The following SORCS1 variants were observed in gnomAD, a reference collection of about 807,000 sequenced individuals.
SORCS1 encodes the protein sortilin related VPS10 domain containing receptor 1.
A neutral mutation model predicts 146.1 loss-of-function variants in SORCS1; 60 were observed. The observed-to-expected ratio is 0.41, with a 90% CI of 0.33 to 0.51. The LOEUF (loss-of-function observed/expected upper bound fraction) is 0.51, where lower values mean the gene tolerates loss of function less well. Ranked by LOEUF, SORCS1 falls within the 20% of genes least tolerant of loss-of-function variation. The pLI is 0.21. For synonymous variants in SORCS1, 637 were observed against 584.0 expected (o/e 1.09, Z -1.31); for missense variants, 1,352 against 1,487.6 (o/e 0.91, Z 1.50).
At chr10:107,162,223 T>C (rs970946099) in intron 1 of SORCS1, among the ~76,000 whole-genome samples, 1 of 152,224 alleles carries the variant, frequency 6.6e-6, no homozygotes, top group African/African-American at 2.4e-5. Flanking sequence ...GTGAGTGATA[T>C]TTTACAGCTT....
intron 2 of SORCS1, among the ~76,000 whole-genome samples, chr10:106,931,957 G>A (rs1953443534): frequency 6.6e-6 from 1 of 152,048 alleles, no homozygotes; most frequent in Non-Finnish European, 1.5e-5. Context: ...TATCTCATGG[G>A]GAAAAACAAA....
chr10:106,883,655 C>G (rs759075555), intron 2 of SORCS1, among the ~76,000 whole-genome samples: 4 of 152,164 alleles, frequency 2.6e-5, no homozygotes, highest in Non-Finnish European at 5.9e-5. Context: ...CCTCGTGATC[C>G]ACCCGCCTCA....
At chr10:107,173,733 G>A in the SORCS1 span, among the ~76,000 whole-genome samples, 3 of 152,032 alleles carry the variant, frequency 2.0e-5, no homozygotes, top group African/African-American at 4.8e-5. Context: ...CATGAAGTAA[G>A]GTTCAAGGTT....
intron 2 of SORCS1, among the ~76,000 whole-genome samples, chr10:106,850,261 G>A (rs958540509): frequency 1.4e-4 from 22 of 152,070 alleles, no homozygotes; most frequent in African/African-American, 3.9e-4. Flanking sequence ...AGGACCCTCC[G>A]AGCCAGGTGT....
At chr10:107,121,168 G>A (rs998240379) in intron 1 of SORCS1, among the ~76,000 whole-genome samples, 9 of 152,066 alleles carry the variant, frequency 5.9e-5, no homozygotes, top group East Asian at 1.9e-4. Context: ...TATAAACTGC[G>A]GACAGTACCA....
intron 2 of SORCS1, among the ~76,000 whole-genome samples, chr10:106,906,173 G>A (rs1413475255): frequency 6.6e-6 from 1 of 152,224 alleles, no homozygotes; most frequent in East Asian, 1.9e-4. Flanking sequence ...GGAGGGCACT[G>A]GCATGCTCTC....
chr10:107,090,919 TACACAC>T (rs10569833), intron 1 of SORCS1, among the ~76,000 whole-genome samples: 6 of 149,498 alleles, frequency 4.0e-5, no homozygotes, highest in African/African-American at 7.4e-5. Flanking sequence ...TATTCTAAAG[TACACAC>T]ACACACACAC....
chr10:106,966,682 A>G (rs919623130), intron 1 of SORCS1, among the ~76,000 whole-genome samples: 3 of 152,150 alleles, frequency 2.0e-5, no homozygotes, highest in Admixed American at 6.5e-5. Context: ...AAGAGCAAAA[A>G]ACTTTTTGTA....
At chr10:106,601,421 G>A (rs923149351) in intron 23 of SORCS1, among the ~76,000 whole-genome samples, 4 of 152,122 alleles carry the variant, frequency 2.6e-5, no homozygotes, top group Admixed American at 2.6e-4. Flanking sequence ...TGCCTATTTG[G>A]TGGAATATGC....
At chr10:106,792,937 T>A (rs1214907888) in intron 3 of SORCS1, among the ~76,000 whole-genome samples, 1 of 152,232 alleles carries the variant, frequency 6.6e-6, no homozygotes, top group Non-Finnish European at 1.5e-5. Flanking sequence ...AAAATTTCAT[T>A]CTTTGTGGGA....
intron 1 of SORCS1, among the ~76,000 whole-genome samples, chr10:107,039,356 ACAAACTTCTGAAAGTATGC>A (rs919131150): frequency 6.7e-6 from 1 of 149,682 alleles, no homozygotes; most frequent in African/African-American, 2.4e-5. Context: ...AAAAAGGATG[ACAAACTTCTGAAAGTATGC>A]CAAACTAACT....
chr10:107,130,653 C>T (rs1049738259), intron 1 of SORCS1, among the ~76,000 whole-genome samples: 1 of 152,026 alleles, frequency 6.6e-6, no homozygotes, highest in East Asian at 1.9e-4. Flanking sequence ...TCTTTTGTTC[C>T]CACTTTGGCC....
At chr10:106,897,187 G>A (rs1352616486) in intron 2 of SORCS1, among the ~76,000 whole-genome samples, 1 of 148,596 alleles carries the variant, frequency 6.7e-6, no homozygotes, top group African/African-American at 2.5e-5. Context: ...GGCCTGTTTT[G>A]TTTGTTTTTT....
At position 106,641,638 on chromosome 10, in the gene SORCS1, C is replaced by T. The variant is rs1849076131; in HGVS notation, c.2475+10744G>A. Among the ~76,000 whole-genome samples the T allele has an allele frequency of 2.0e-5, 3 of 152,234 alleles. No homozygotes were observed. In the South Asian group the frequency reaches 6.2e-4, roughly 32 times the overall value. Reference sequence around the variant, plus strand: ...GGGGAAGGCTATCCAAATCCACATACATTTATTGAGTTTCTATCAATATGT... The same window carrying T: ...GGGGAAGGCTATCCAAATCCACATATATTTATTGAGTTTCTATCAATATGT... On this transcript the variant is annotated intron_variant, in intron 18 of 25. Transcript: ENST00000263054.
chr10:106,979,946 C>T (rs1369166453), intron 1 of SORCS1, among the ~76,000 whole-genome samples: 3 of 152,202 alleles, frequency 2.0e-5, no homozygotes, highest in Admixed American at 2.0e-4. Context: ...GAAGCCCAGC[C>T]ACATGGTAGT....
chr10:107,164,443 G>A lies in SORCS1; in HGVS notation c.84C>T (p.Ala28=). 7.1e-7 allele frequency: 1 copy of A among 1,406,590 alleles called. No individual in the cohort carries two copies. The highest frequency in any genetic ancestry group is 9.2e-7 in the Non-Finnish European group (1 of 1,086,914). 87.1% of individuals were successfully genotyped at this position (1,406,590 alleles called of 1,614,324 possible). The part of the protein sequence containing the change: ...LAGAGLLILC[A]PGVCGGGSCC... ...AGGAGCCGCCGCCGCAGACGCCCGG[G>A]GCGCAGAGGATCAAGAGCCCCGCGC... Residue 28 remains alanine (A), a synonymous_variant, in exon 1 of 26, where the codon GCC becomes GCT. Coordinates refer to ENST00000263054, the MANE Select transcript of SORCS1 (RefSeq NM_052918.5). This position sits in a 1 kb window ranked among gnomAD's most constrained non-coding sequence, Gnocchi z 6.8.
intron 2 of SORCS1, among the ~76,000 whole-genome samples, chr10:106,853,094 T>G (rs1949654389): frequency 6.6e-6 from 1 of 151,732 alleles, no homozygotes. Flanking sequence ...GTGAACTGAC[T>G]GTGCCTGGTG....
chr10:106,728,926 CTTTCTCCCTGTCT>C (rs981060755), intron 6 of SORCS1, among the ~76,000 whole-genome samples: 1 of 152,110 alleles, frequency 6.6e-6, no homozygotes, highest in Non-Finnish European at 1.5e-5. Context: ...AGACCTCTTC[CTTTCTCCCTGTCT>C]TTTCTCCCCT....
intron 5 of SORCS1, among the ~76,000 whole-genome samples, chr10:106,749,364 C>T (rs1467362599): frequency 6.6e-6 from 1 of 152,168 alleles, no homozygotes; most frequent in Non-Finnish European, 1.5e-5. Context: ...AGGCCCCAAA[C>T]CTGCTTGGCT....
Sources: allele counts gnomAD v4.1 joint callset (sites outside exome capture counted in the v4.1 genomes callset), GRCh38; gene constraint gnomAD v4.1.1; non-coding constraint Gnocchi (gnomAD v3.1); transcripts MANE v1.5; gene names NCBI Gene and HGNC (gene_info 2026-07-23, HGNC 2026-07-21).